The following ART3 variants were observed in gnomAD, a reference collection of about 807,000 sequenced individuals.
ART3 encodes ADP-ribosyltransferase 3 (inactive), also known as ecto-ADP-ribosyltransferase 3.
In ART3, 49 loss-of-function variants were observed where a neutral mutation model predicts 48.5. The ratio of observed to expected loss-of-function variants is 1.01; its 90% CI spans 0.80 to 1.28. The LOEUF is 1.28. Among genes scored for constraint, ART3 ranks in the 50% most tolerant of loss-of-function variants. ART3 has a pLI of 0.00. For missense variants in ART3, 438 were observed against 454.3 expected, an observed-to-expected ratio of 0.96 and a Z score of 0.33; for synonymous variants, 145 against 157.2, an observed-to-expected ratio of 0.92 and a Z score of 0.58.
At chr4:76,072,483 A>G (rs569833396), upstream of ART3, among the ~76,000 whole-genome samples, 4 of 151,894 alleles carry the variant, frequency 2.6e-5, no homozygotes, top group South Asian at 8.3e-4. Flanking sequence ...ACACACATCT[A>G]CTTCTCATTA....
intron 1 of ART3, among the ~76,000 whole-genome samples, chr4:76,027,232 A>G (rs914787695): frequency 3.9e-5 from 6 of 152,220 alleles, no homozygotes; most frequent in African/African-American, 1.4e-4. Context: ...TAGCCTGGGC[A>G]ACAAGAGCGA....
chr4:76,108,948 G>T (rs1370604342), intron 11 of ART3, among the ~76,000 whole-genome samples: 1 of 152,152 alleles, frequency 6.6e-6, no homozygotes, highest in Non-Finnish European at 1.5e-5. Context: ...CACTTAACAT[G>T]AATGGAGCTT....
chr4:76,035,330 A>G (rs1317528280), intron 1 of ART3: 1 of 1,614,012 alleles, frequency 6.2e-7, no homozygotes, highest in African/African-American at 1.3e-5. Context: ...TCCTCTTTTG[A>G]ACATGGGGAA....
rs372115670 is a variant in ART3, at chr4:76,082,307, T to A, written c.553T>A (p.Leu185Met). ...CCAAGCCAGGTTTGGCCATTTTACC[T>A]TGGCATATTCAGCCAAACCTCAGGC... ...LNQARFGHFTLAYSAKPQAAN... is the reference protein window; with the variant it reads ...LNQARFGHFTMAYSAKPQAAN... The change falls in exon 3 of 12, where the codon TTG becomes ATG. Residue 185 changes from leucine (L) to methionine (M), a missense_variant. Physicochemically the swap from Leu to Met is conservative, Grantham distance 15 (BLOSUM62 2). Around this residue, in one of 3 missense-constraint regions of ART3, gnomAD observed 5 missense variants for 19.5 expected, o/e 0.26. Coordinates refer to ENST00000355810, the MANE Select transcript of ART3 (RefSeq NM_001130016.3). 2.5e-5 allele frequency: 40 copies of A among 1,614,120 alleles called. No individual in the cohort carries two copies. Among genetic ancestry groups the A allele is most frequent in the Non-Finnish European group, 3.3e-5 (39 of 1,180,064 alleles).
intron 1 of ART3, chr4:76,022,426 C>T: frequency 6.2e-7 from 1 of 1,613,466 alleles, no homozygotes; most frequent in Non-Finnish European, 8.5e-7. Context: ...ATTCAGACAT[C>T]TCTTCTCACC....
chr4:76,062,879 C>T (rs1438835060), intron 1 of ART3, among the ~76,000 whole-genome samples: 3 of 151,950 alleles, frequency 2.0e-5, no homozygotes, highest in Non-Finnish European at 4.4e-5. Flanking sequence ...ATTTCAAATG[C>T]TCAGTAGCTA....
intron 3 of ART3, among the ~76,000 whole-genome samples, chr4:76,083,525 C>T (rs533146969): frequency 2.6e-4 from 40 of 152,320 alleles, no homozygotes; most frequent in African/African-American, 9.4e-4. Flanking sequence ...AGAGTCAGCG[C>T]AGTGGCTCAT....
intron 1 of ART3, chr4:76,036,283 AGCCTTCTT>A: frequency 5.5e-6 from 2 of 362,418 alleles, no homozygotes; most frequent in Non-Finnish European, 9.8e-6. Flanking sequence ...GATGGTAACC[AGCCTTCTT>A]AAGGTAGCTT....
intron 1 of ART3, among the ~76,000 whole-genome samples, chr4:76,019,722 G>A (rs1039565620): frequency 2.7e-5 from 4 of 150,942 alleles, no homozygotes; most frequent in Non-Finnish European, 4.4e-5. Flanking sequence ...CCAAAGTGCT[G>A]GGATTACAGG....
At chr4:76,068,367 T>A (rs1480871012) in intron 1 of ART3, among the ~76,000 whole-genome samples, 1 of 152,192 alleles carries the variant, frequency 6.6e-6, no homozygotes, top group Non-Finnish European at 1.5e-5. Flanking sequence ...TGAGATACAA[T>A]TCACATACAA....
At chr4:76,053,931 C>A (rs575286642) in intron 1 of ART3, among the ~76,000 whole-genome samples, 111 of 152,310 alleles carry the variant, frequency 7.3e-4, no homozygotes, top group African/African-American at 2.4e-3. Flanking sequence ...TGGAAAATGA[C>A]TGCACTCGAC....
intron 1 of ART3, among the ~76,000 whole-genome samples, chr4:76,023,779 T>C (rs1733112885): frequency 6.6e-6 from 1 of 152,246 alleles, no homozygotes; most frequent in Non-Finnish European, 1.5e-5. Flanking sequence ...AAACAAAGGT[T>C]GCAATCCATT....
At chr4:76,025,040 G>T (rs1055284995) in intron 1 of ART3, among the ~76,000 whole-genome samples, 3 of 152,198 alleles carry the variant, frequency 2.0e-5, no homozygotes, top group Non-Finnish European at 4.4e-5. Flanking sequence ...CTGGAATAGA[G>T]CTAAGCTTTC....
Position 76,024,567 on chromosome 4 carries a change from A to G in ART3, c.-10+13247A>G, listed in dbSNP as rs1733195636. 2.0e-5 allele frequency among the ~76,000 whole-genome samples: 3 copies of G among 152,212 alleles called. No individual in the cohort carries two copies. In the South Asian group the frequency reaches 6.2e-4, roughly 32 times the overall value. ...GCAGTAGAAAGCACATGATACTCAT[A>G]TAATGGAACACATGTTGAACCTGAG... On this transcript the variant is annotated intron_variant, in intron 1 of 9. Coordinates refer to the ART3 transcript ENST00000341029.
At chr4:76,025,676 C>T (rs1733313804) in intron 1 of ART3, among the ~76,000 whole-genome samples, 1 of 152,150 alleles carries the variant, frequency 6.6e-6, no homozygotes, top group South Asian at 2.1e-4. Context: ...TTGTGCAAGA[C>T]ATCTTTTGCT....
intron 2 of ART3, among the ~76,000 whole-genome samples, chr4:76,078,418 T>C (rs1320113208): frequency 1.3e-5 from 2 of 152,162 alleles, no homozygotes; most frequent in Non-Finnish European, 2.9e-5. Context: ...AAATCAGGCA[T>C]TGGCACCCAA....
chr4:76,081,687 A>G, intron 2 of ART3, 137 bp from the exon 3 acceptor site: 1 of 797,412 alleles, frequency 1.3e-6, no homozygotes, highest in Non-Finnish European at 2.0e-6. Flanking sequence ...CTTCCTGCAT[A>G]AAAACCTACC....
At position 76,082,184 on chromosome 4, in the gene ART3, A is replaced by G; in HGVS notation, c.430A>G (p.Arg144Gly). 1 of 1,614,236 alleles carries G rather than the reference A, an allele frequency of 6.2e-7. No individual in the cohort carries two copies. The highest frequency in any genetic ancestry group is 8.5e-7 in the Non-Finnish European group (1 of 1,180,038). ...CAAAGCTTTCCACTTTTACCTCACA[A>G]GAGCCCTGCAGTTGCTGAGAAAACC... ...QFKAFHFYLT[R>G]ALQLLRKPCE... Residue 144 changes from arginine (R) to glycine (G), a missense_variant, in exon 3 of 12, where the codon AGA becomes GGA. Physicochemically the swap from Arg to Gly is moderately radical, Grantham distance 125 (BLOSUM62 -2). Around this residue, in one of 3 missense-constraint regions of ART3, gnomAD observed 206 missense variants for 205.3 expected, o/e 1.00. Coordinates refer to ENST00000355810, the MANE Select transcript of ART3 (RefSeq NM_001130016.3).
At position 76,082,025 on chromosome 4, in the gene ART3, A is replaced by G. The variant is rs1234701796; in HGVS notation, c.271A>G (p.Lys91Glu). The stretch of plus-strand genomic sequence containing the variant: ...TCAAATCTTTCTCCCTATGAATTTT[A>G]AGGATAACCATGGAATAGCCCTGAT... ...KTQIFLPMNF[K>E]DNHGIALMAY... The change falls in exon 3 of 12, where the codon AAG (lysine) becomes GAG (glutamate). Residue 91 changes from lysine to glutamate, a missense_variant. By Grantham distance (56) the Lys-to-Glu change is moderately conservative. This residue lies in a region of ART3 where 206 missense variants were observed against 205.3 expected (regional missense o/e 1.00). Transcript: ENST00000355810. The G allele has an allele frequency of 6.2e-7, 1 of 1,614,250 alleles. No homozygotes were observed.
Sources: gnomAD v4.1 joint callset for allele counts (sites outside exome capture counted in the v4.1 genomes callset) on GRCh38, gnomAD v4.1.1 for gene constraint, gnomAD v4.1.1 regional missense constraint, MANE v1.5 for transcripts, NCBI Gene and HGNC (gene_info 2026-07-23, HGNC 2026-07-21) for gene names.